L3MBTL4: variants seen among roughly 807,000 people sequenced by gnomAD.
L3MBTL4 encodes L3MBTL histone methyl-lysine binding protein 4, also known as lethal(3)malignant brain tumor-like protein 4.
In L3MBTL4, 70 loss-of-function variants were observed where a neutral mutation model predicts 84.5. The observed-to-expected ratio is 0.83, with a 90% CI of 0.68 to 1.01. The LOEUF is 1.01. Ranked by LOEUF, L3MBTL4 falls within the 50% of genes least tolerant of loss-of-function variation. The pLI, the probability that L3MBTL4 is intolerant of heterozygous loss-of-function variation, is 0.00. For synonymous variants in L3MBTL4, 274 were observed against 259.8 expected, an observed-to-expected ratio of 1.05 and a Z score of -0.52; for missense variants, 715 against 754.8, an observed-to-expected ratio of 0.95 and a Z score of 0.62.
At chr18:6,388,003 A>T (rs373587113) in intron 1 of L3MBTL4, among the ~76,000 whole-genome samples, 15 of 152,346 alleles carry the variant, frequency 9.8e-5, no homozygotes, top group African/African-American at 3.6e-4. Context: ...GCCAGTAATT[A>T]GGTAAAAAAG....
At chr18:6,304,269 A>G (rs2050483457) in intron 3 of L3MBTL4, among the ~76,000 whole-genome samples, 1 of 152,196 alleles carries the variant, frequency 6.6e-6, no homozygotes, top group African/African-American at 2.4e-5. Context: ...TTCATCCCCA[A>G]AACATAGTCT....
chr18:5,976,169 T>A (rs2144910171), intron 16 of L3MBTL4, among the ~76,000 whole-genome samples: 1 of 152,352 alleles, frequency 6.6e-6, no homozygotes, highest in Non-Finnish European at 1.5e-5. Flanking sequence ...CAAACTGAGA[T>A]GTGCTATAGT....
intron 1 of L3MBTL4, among the ~76,000 whole-genome samples, chr18:6,384,296 C>T (rs190441347): frequency 1.3e-5 from 2 of 152,074 alleles, no homozygotes; most frequent in Non-Finnish European, 2.9e-5. Flanking sequence ...TATATATACA[C>T]ACACACAAAC....
Position 6,330,817 on chromosome 18 carries a change from C to A in L3MBTL4, c.-90-18761G>T, listed in dbSNP as rs115207300. Among the ~76,000 whole-genome samples the A allele has an allele frequency of 7.2e-3, 1,090 of 152,330 alleles. 15 individuals are homozygous for A. Among genetic ancestry groups the A allele is most frequent in the African/African-American group, 0.025 (1,055 of 41,576 alleles). ...TCTTTCTATGTAGCAGATCTGATTT[C>A]TTGTTAGCCTTATAATTCTAACTAG... is the stretch of plus-strand genomic sequence containing the variant. On this transcript the variant is annotated intron_variant, in intron 1 of 18. Transcript: ENST00000317931.
At chr18:6,155,382 C>T (rs187724608) in intron 13 of L3MBTL4, among the ~76,000 whole-genome samples, 6 of 152,154 alleles carry the variant, frequency 3.9e-5, no homozygotes, top group African/African-American at 1.2e-4. Flanking sequence ...TAGGGCGAGG[C>T]TACTGGCTGC....
chr18:6,347,979 CAAAG>C (rs773712443), intron 1 of L3MBTL4, among the ~76,000 whole-genome samples: 3 of 151,862 alleles, frequency 2.0e-5, no homozygotes, highest in Non-Finnish European at 4.4e-5. Flanking sequence ...AAGATCCATA[CAAAG>C]AGTCAATCTT....
intron 15 of L3MBTL4, among the ~76,000 whole-genome samples, chr18:6,086,161 A>G: frequency 6.6e-6 from 1 of 152,202 alleles, no homozygotes; most frequent in East Asian, 1.9e-4. Context: ...ACTCTTTACA[A>G]TGAGTAAGAA....
chr18:6,196,430 T>C (rs374127327), intron 12 of L3MBTL4, among the ~76,000 whole-genome samples: 3 of 152,174 alleles, frequency 2.0e-5, no homozygotes, highest in South Asian at 2.1e-4. Context: ...ATGCTGGGAT[T>C]ACAGGCATGA....
chr18:6,256,123 A>G (rs1189284649), intron 5 of L3MBTL4, among the ~76,000 whole-genome samples: 1 of 152,206 alleles, frequency 6.6e-6, no homozygotes, highest in Non-Finnish European at 1.5e-5. Context: ...AACAAATAGG[A>G]ATTTCCACAG....
At chr18:6,084,953 G>A (rs2058210687) in intron 15 of L3MBTL4, among the ~76,000 whole-genome samples, 1 of 152,174 alleles carries the variant, frequency 6.6e-6, no homozygotes. Context: ...AAGACGTGGA[G>A]CTAGGACAAA....
chr18:6,299,824 C>A (rs1164111068), intron 4 of L3MBTL4, among the ~76,000 whole-genome samples: 1 of 152,064 alleles, frequency 6.6e-6, no homozygotes, highest in Non-Finnish European at 1.5e-5. Flanking sequence ...TGCACACCAC[C>A]AGACCCGGCT....
chr18:6,122,855 G>A (rs2059573813), intron 14 of L3MBTL4, among the ~76,000 whole-genome samples: 1 of 152,146 alleles, frequency 6.6e-6, no homozygotes, highest in African/African-American at 2.4e-5. Context: ...ATATAAGGAA[G>A]AAACTATAGA....
chr18:6,130,795 C>T (rs2059853526), intron 14 of L3MBTL4, among the ~76,000 whole-genome samples: 3 of 152,108 alleles, frequency 2.0e-5, no homozygotes, highest in Admixed American at 6.5e-5. Context: ...ACAAATACAC[C>T]TACTTCACTT....
At chr18:6,247,966 A>G (rs2047753273) in intron 5 of L3MBTL4, among the ~76,000 whole-genome samples, 2 of 152,138 alleles carry the variant, frequency 1.3e-5, no homozygotes, top group Admixed American at 6.6e-5. Flanking sequence ...TTGATCATTC[A>G]ATCACAGTGT....
intron 3 of L3MBTL4, among the ~76,000 whole-genome samples, chr18:6,310,387 T>C (rs1353412836): frequency 2.0e-5 from 3 of 152,212 alleles, no homozygotes; most frequent in Non-Finnish European, 4.4e-5. Flanking sequence ...AATCACCCCA[T>C]TGCCCAGTGA....
intron 10 of L3MBTL4, among the ~76,000 whole-genome samples, chr18:6,235,246 C>T (rs1038752384): frequency 6.6e-6 from 1 of 152,088 alleles, no homozygotes; most frequent in African/African-American, 2.4e-5. Context: ...TGCAGCAAAT[C>T]AACATGGCAC....
At chr18:6,042,239 C>A (rs2056434642) in intron 16 of L3MBTL4, among the ~76,000 whole-genome samples, 1 of 152,132 alleles carries the variant, frequency 6.6e-6, no homozygotes, top group South Asian at 2.1e-4. Flanking sequence ...GTCTCAGAAA[C>A]CTTATGACCT....
At chr18:6,223,989 A>G (rs932585845) in intron 10 of L3MBTL4, among the ~76,000 whole-genome samples, 1 of 152,214 alleles carries the variant, frequency 6.6e-6, no homozygotes, top group Non-Finnish European at 1.5e-5. Flanking sequence ...TTAAGGGATT[A>G]GCATCAGTTA....
intron 16 of L3MBTL4, among the ~76,000 whole-genome samples, chr18:6,040,329 C>T (rs192884368): frequency 1.3e-4 from 20 of 152,278 alleles, no homozygotes; most frequent in Admixed American, 6.5e-4. Context: ...TTTTGGTTGT[C>T]ACATCTTGGG....
Sources: allele counts gnomAD v4.1 joint callset (sites outside exome capture counted in the v4.1 genomes callset), GRCh38; gene constraint gnomAD v4.1.1; transcripts MANE v1.5; gene names NCBI Gene and HGNC (gene_info 2026-07-23, HGNC 2026-07-21).